Variants in CSMD1 observed in about 807,000 individuals in gnomAD.
The protein encoded by CSMD1 is CUB and sushi domain-containing protein 1.
Under a neutral mutation model 417.5 loss-of-function variants are expected in CSMD1, and 213 were observed. The observed-to-expected ratio is 0.51, with a 90% confidence interval of 0.46 to 0.57. The LOEUF (loss-of-function observed/expected upper bound fraction) is 0.57, where lower values mean the gene tolerates loss of function less well. Ranked by LOEUF, CSMD1 falls within the 20% of genes least tolerant of loss-of-function variation. The pLI is 0.00. For synonymous variants in CSMD1, 2,862 were observed against 1,736.8 expected, an observed-to-expected ratio of 1.65 and a Z score of -16.11; for missense variants, 6,923 against 4,529.7, an observed-to-expected ratio of 1.53 and a Z score of -15.17.
rs538920837 is a variant in CSMD1, at chr8:3,048,546, T to A, written c.7660+3916A>T. On this transcript the variant is annotated intron_variant, in intron 50 of 69. Coordinates refer to ENST00000635120, the MANE Select transcript of CSMD1 (RefSeq NM_033225.6). ...TGGATATCTACATTCTAAAAAATAA[T>A]CCAGACACAGACCTTTTGCCCTTCA... 7.9e-5 allele frequency among the ~76,000 whole-genome samples: 12 copies of A among 152,194 alleles called. No individual in the cohort carries two copies. In the South Asian group the frequency reaches 2.3e-3, roughly 29 times the overall value.
intron 7 of CSMD1, among the ~76,000 whole-genome samples, chr8:3,699,232 T>C (rs1056170341): frequency 6.6e-6 from 1 of 152,224 alleles, no homozygotes; most frequent in Non-Finnish European, 1.5e-5. Flanking sequence ...TGACAATTAG[T>C]TTTTATTACC....
intron 3 of CSMD1, among the ~76,000 whole-genome samples, chr8:4,047,747 G>C (rs1481710386): frequency 6.6e-6 from 1 of 151,800 alleles, no homozygotes; most frequent in South Asian, 2.1e-4. Flanking sequence ...TAAATCAAGA[G>C]AAAATGGTAT....
chr8:3,308,620 G>A, intron 23 of CSMD1, 117 bp from the exon 24 acceptor site: 1 of 721,232 alleles, frequency 1.4e-6, no homozygotes, highest in South Asian at 2.1e-5. Context: ...GAAAAAAGGA[G>A]ATTGTGAATT....
chr8:3,594,250 G>A (rs533350222), intron 8 of CSMD1, among the ~76,000 whole-genome samples: 1 of 152,126 alleles, frequency 6.6e-6, no homozygotes, highest in Non-Finnish European at 1.5e-5. Context: ...AGCTGCTAGT[G>A]TAAGAGATAC....
chr8:2,967,005 T>C (rs1448820323), intron 57 of CSMD1, among the ~76,000 whole-genome samples: 2 of 152,206 alleles, frequency 1.3e-5, no homozygotes, highest in African/African-American at 4.8e-5. Flanking sequence ...AAAACATGAG[T>C]TAAAGCACTA....
At chr8:4,684,025 C>T (rs1050154434) in intron 1 of CSMD1, among the ~76,000 whole-genome samples, 11 of 152,106 alleles carry the variant, frequency 7.2e-5, no homozygotes, top group Non-Finnish European at 1.3e-4. Flanking sequence ...AATGGTTGTA[C>T]ATCAGTATGA....
intron 10 of CSMD1, among the ~76,000 whole-genome samples, chr8:3,533,897 C>T (rs1798082816): frequency 6.6e-6 from 1 of 152,260 alleles, no homozygotes; most frequent in African/African-American, 2.4e-5. Flanking sequence ...TGTATCAGCT[C>T]GTCATTCACC....
At chr8:3,733,478 A>G (rs1156325907) in intron 6 of CSMD1, among the ~76,000 whole-genome samples, 1 of 151,708 alleles carries the variant, frequency 6.6e-6, no homozygotes. Flanking sequence ...TTTGCTTTCA[A>G]CGGTTTCAGT....
chr8:3,125,795 G>A (rs1817475648), intron 41 of CSMD1, among the ~76,000 whole-genome samples: 1 of 152,138 alleles, frequency 6.6e-6, no homozygotes, highest in Non-Finnish European at 1.5e-5. Flanking sequence ...TGGCCAACAT[G>A]GTGAAATCCT....
chr8:3,666,731 T>G (rs1025195805), intron 7 of CSMD1, among the ~76,000 whole-genome samples: 23 of 152,246 alleles, frequency 1.5e-4, no homozygotes, highest in Non-Finnish European at 2.5e-4. Flanking sequence ...CCCTTTGGCT[T>G]GGCTCTCATT....
chr8:3,829,022 T>C lies in CSMD1; in HGVS notation c.819-74980A>G, dbSNP rs538563011. On this transcript the variant is annotated intron_variant, in intron 5 of 69. Coordinates refer to ENST00000635120, the MANE Select transcript of CSMD1 (RefSeq NM_033225.6). Reference sequence around the variant, plus strand: ...CCTCTGTCTACAATCACCTTTCTTTTTTTTTAAAAAAATGTATTTTTCCGT... The same window carrying C: ...CCTCTGTCTACAATCACCTTTCTTTCTTTTTAAAAAAATGTATTTTTCCGT... Among the ~76,000 whole-genome samples, 180 of 151,966 alleles carry C rather than the reference T, an allele frequency of 1.2e-3. 1 individual carries two copies. Among genetic ancestry groups the C allele is most frequent in the African/African-American group, 4.1e-3 (169 of 41,398 alleles).
intron 7 of CSMD1, among the ~76,000 whole-genome samples, chr8:3,631,169 G>A (rs1260442397): frequency 9.9e-5 from 15 of 152,096 alleles, no homozygotes; most frequent in Admixed American, 6.6e-4. Context: ...TGGCTAAACC[G>A]GCAGGACTCC....
chr8:4,646,346 A>C, intron 1 of CSMD1, among the ~76,000 whole-genome samples: 1 of 152,230 alleles, frequency 6.6e-6, no homozygotes, highest in East Asian at 1.9e-4. Flanking sequence ...GTTGTTCCCT[A>C]CATTTGAAAT....
intron 42 of CSMD1, among the ~76,000 whole-genome samples, chr8:3,111,273 C>T (rs1007527014): frequency 6.6e-6 from 1 of 152,190 alleles, no homozygotes; most frequent in African/African-American, 2.4e-5. Context: ...GGATATGATA[C>T]ACTGTTGAAC....
chr8:4,572,719 C>G (rs1271442954), intron 2 of CSMD1, among the ~76,000 whole-genome samples: 1 of 152,190 alleles, frequency 6.6e-6, no homozygotes, highest in Non-Finnish European at 1.5e-5. Context: ...TGTTTTCCAA[C>G]TTGGTTCCAT....
chr8:4,913,094 C>A (rs753744721), intron 1 of CSMD1, among the ~76,000 whole-genome samples: 1 of 151,982 alleles, frequency 6.6e-6, no homozygotes, highest in Non-Finnish European at 1.5e-5. Context: ...TGGCCAGCAC[C>A]AGCTGCTTTA....
chr8:4,470,587 C>A (rs914089130), intron 2 of CSMD1, among the ~76,000 whole-genome samples: 3 of 152,194 alleles, frequency 2.0e-5, no homozygotes, highest in Non-Finnish European at 4.4e-5. Flanking sequence ...AATAATATAA[C>A]TGCCAAACAC....
chr8:4,281,889 A>G (rs893789239), intron 3 of CSMD1, among the ~76,000 whole-genome samples: 11 of 152,226 alleles, frequency 7.2e-5, no homozygotes, highest in Non-Finnish European at 1.3e-4. Flanking sequence ...ATGACAAGGC[A>G]AAGGCTTATA....
intron 3 of CSMD1, among the ~76,000 whole-genome samples, chr8:4,238,688 C>G (rs1187495538): frequency 6.6e-6 from 1 of 152,174 alleles, no homozygotes; most frequent in Non-Finnish European, 1.5e-5. Flanking sequence ...CCTTGGCCCT[C>G]AATACCTGTT....
Sources: gnomAD v4.1 joint callset for allele counts (sites outside exome capture counted in the v4.1 genomes callset) on GRCh38, gnomAD v4.1.1 for gene constraint, MANE v1.5 for transcripts, NCBI Gene and HGNC (gene_info 2026-07-23, HGNC 2026-07-21) for gene names.